The following PCDHA6 variants were observed in gnomAD, a reference collection of about 807,000 sequenced individuals.
PCDHA6 encodes the protein protocadherin alpha-6.
Under a neutral mutation model 60.3 loss-of-function variants are expected in PCDHA6, and 55 were observed. The observed-to-expected ratio is 0.91, with a 90% CI of 0.73 to 1.14. The LOEUF (loss-of-function observed/expected upper bound fraction) is 1.14. Among genes scored for constraint, PCDHA6 ranks in the 50% most tolerant of loss-of-function variants. The probability of loss-of-function intolerance (pLI) is 0.00; values close to 1 mark genes in which losing one functional copy is unlikely to be tolerated. For synonymous variants in PCDHA6, 652 were observed against 557.9 expected (o/e 1.17, Z -2.38); for missense variants, 1,327 against 1,256.5 (o/e 1.06, Z -0.85).
At chr5:140,835,454 C>G (rs2150236138) in intron 1 of PCDHA6, 5 of 1,613,928 alleles carry the variant, frequency 3.1e-6, no homozygotes, top group Non-Finnish European at 4.2e-6. Context: ...CCCTGTCTCT[C>G]CCTATTCCAG....
chr5:140,924,902 A>AAT (rs2082141904), intron 1 of PCDHA6, among the ~76,000 whole-genome samples: 1 of 39,026 alleles, frequency 2.6e-5, no homozygotes, highest in African/African-American at 7.6e-5. Flanking sequence ...CTCAAAAAAA[A>AAT]AAATAAAATA....
chr5:140,841,616 A>T (rs2150319486), intron 1 of PCDHA6: 1 of 1,613,946 alleles, frequency 6.2e-7, no homozygotes, highest in Non-Finnish European at 8.5e-7. Flanking sequence ...GTGCGGGCGG[A>T]GCGCGGAGTG....
intron 1 of PCDHA6, among the ~76,000 whole-genome samples, chr5:140,880,422 C>T (rs782802267): frequency 6.6e-6 from 1 of 152,252 alleles, no homozygotes; most frequent in Non-Finnish European, 1.5e-5. Flanking sequence ...AAAGCGGGAA[C>T]AGTTTTTCCT....
intron 1 of PCDHA6, among the ~76,000 whole-genome samples, chr5:140,905,700 A>G (rs926526227): frequency 3.9e-5 from 6 of 152,136 alleles, no homozygotes; most frequent in Non-Finnish European, 5.9e-5. Context: ...TGTGTCATTT[A>G]TGATTTCCTT....
chr5:140,894,778 T>C (rs1477645245), intron 1 of PCDHA6, among the ~76,000 whole-genome samples: 1 of 152,140 alleles, frequency 6.6e-6, no homozygotes, highest in Non-Finnish European at 1.5e-5. Flanking sequence ...TTTAGTGTAA[T>C]TATTTGTCCT....
chr5:140,974,043 TATG>T (rs1554235772), intron 1 of PCDHA6, among the ~76,000 whole-genome samples: 1 of 152,238 alleles, frequency 6.6e-6, no homozygotes, highest in Non-Finnish European at 1.5e-5. Flanking sequence ...AGCTTATTAA[TATG>T]ATAATATTTG....
At chr5:141,000,921 C>T (rs562554000) in intron 3 of PCDHA6, among the ~76,000 whole-genome samples, 1 of 152,006 alleles carries the variant, frequency 6.6e-6, no homozygotes, top group Non-Finnish European at 1.5e-5. Flanking sequence ...AAAAAAAAAT[C>T]CTGTGTGATT....
At chr5:140,862,741 G>A (rs2153223703) in intron 1 of PCDHA6, 1 of 577,348 alleles carries the variant, frequency 1.7e-6, no homozygotes. Context: ...CTATGTGTGG[G>A]TGCACGCGGA....
chr5:141,002,841 G>T (rs2098098318), intron 3 of PCDHA6, among the ~76,000 whole-genome samples: 1 of 152,196 alleles, frequency 6.6e-6, no homozygotes, highest in African/African-American at 2.4e-5. Flanking sequence ...CCAGGACTAT[G>T]CACTAGTGAG....
At chr5:140,940,873 A>G (rs541083185) in intron 1 of PCDHA6, among the ~76,000 whole-genome samples, 10 of 152,352 alleles carry the variant, frequency 6.6e-5, no homozygotes, top group African/African-American at 2.4e-4. Context: ...CAGTGAGTGA[A>G]TACTACTGCT....
At chr5:140,937,546 G>A (rs1584916949) in intron 1 of PCDHA6, among the ~76,000 whole-genome samples, 1 of 152,050 alleles carries the variant, frequency 6.6e-6, no homozygotes, top group Non-Finnish European at 1.5e-5. Flanking sequence ...GAACCTGCGA[G>A]GCAGAGGTTG....
intron 1 of PCDHA6, chr5:140,865,913 C>G (rs2049050417): frequency 6.6e-6 from 1 of 152,098 alleles, no homozygotes; most frequent in African/African-American, 2.4e-5. Flanking sequence ...ATCTTTCTTT[C>G]TGTTGTGCTT....
In PCDHA6 at chr5:140,871,238, T is replaced by C. The variant is rs200192228; in HGVS notation, c.2394+40753T>C. 68 of 1,613,968 alleles carry C rather than the reference T, an allele frequency of 4.2e-5. No homozygotes were observed. The Admixed American group carries it at 6.2e-4, about 15-fold the overall frequency. ...TGCGTGGTGTCCAGCCTCCTGGTACTCACGCTGCTGCTGTATACGGCGCTG... is the reference window on the plus strand; with the variant it reads ...TGCGTGGTGTCCAGCCTCCTGGTACCCACGCTGCTGCTGTATACGGCGCTG... On this transcript the variant is annotated intron_variant, in intron 1 of 3. Transcript: ENST00000529310.
chr5:140,968,739 T>C, intron 1 of PCDHA6: 1 of 1,614,192 alleles, frequency 6.2e-7, no homozygotes, highest in South Asian at 1.1e-5. Context: ...ACTTTCAACC[T>C]GACCGTGGTG....
At chr5:140,942,600 T>A (rs943278532) in intron 1 of PCDHA6, among the ~76,000 whole-genome samples, 2 of 132,144 alleles carry the variant, frequency 1.5e-5, no homozygotes, top group African/African-American at 6.2e-5. Flanking sequence ...ATAATTATAG[T>A]GTTTATATTT....
chr5:140,870,504 C>T (rs782464928), intron 1 of PCDHA6: 13 of 1,614,114 alleles, frequency 8.1e-6, no homozygotes, highest in Middle Eastern at 3.3e-4. Context: ...AGGAGAACAA[C>T]CCACCAGGCT....
At chr5:140,979,537 A>G (rs538323100) in intron 2 of PCDHA6, among the ~76,000 whole-genome samples, 1 of 152,332 alleles carries the variant, frequency 6.6e-6, no homozygotes, top group East Asian at 1.9e-4. Context: ...ATTGTCATCA[A>G]TGACATGGTT....
At chr5:140,888,967 G>T (rs1434157317) in intron 1 of PCDHA6, among the ~76,000 whole-genome samples, 1 of 152,000 alleles carries the variant, frequency 6.6e-6, no homozygotes, top group African/African-American at 2.4e-5. Flanking sequence ...CAATGTTAAT[G>T]TGTTGAATTT....
intron 1 of PCDHA6, among the ~76,000 whole-genome samples, chr5:140,913,163 T>C (rs1248646454): frequency 1.3e-5 from 2 of 152,198 alleles, no homozygotes; most frequent in African/African-American, 4.8e-5. Context: ...AGGATTGGTA[T>C]TAGTTCTTCT....
Sources: allele counts gnomAD v4.1 joint callset (sites outside exome capture counted in the v4.1 genomes callset), GRCh38; gene constraint gnomAD v4.1.1; transcripts MANE v1.5; gene names NCBI Gene and HGNC (gene_info 2026-07-23, HGNC 2026-07-21).